The following DNAH14 variants were observed in gnomAD, a reference collection of about 807,000 sequenced individuals.
DNAH14 encodes the protein axonemal beta dynein heavy chain 14.
DNAH14 carries 478 observed loss-of-function variants against 520.9 expected under a neutral mutation model. That is an observed-to-expected ratio of 0.92 (90% CI 0.85 to 0.99). The LOEUF (loss-of-function observed/expected upper bound fraction) is 0.99. DNAH14 is among the 50% of genes least tolerant of loss of function. The pLI is 0.00. For missense variants in DNAH14, 4,831 were observed against 5,234.5 expected (o/e 0.92, Z 2.38); for synonymous variants, 1,581 against 1,757.2 (o/e 0.90, Z 2.51).
At chr1:225,234,390 A>G (rs959281063) in intron 42 of DNAH14, among the ~76,000 whole-genome samples, 2 of 151,932 alleles carry the variant, frequency 1.3e-5, no homozygotes, top group East Asian at 1.9e-4. Flanking sequence ...TGGTTTCACC[A>G]TGTTAGCCAG....
chr1:225,276,250 G>A (rs1439158598), intron 53 of DNAH14, among the ~76,000 whole-genome samples, 169 bp downstream of exon 53: 1 of 151,962 alleles, frequency 6.6e-6, no homozygotes, highest in Non-Finnish European at 1.5e-5. Context: ...AGAGATCAGG[G>A]GAAAATGCTT....
intron 35 of DNAH14, among the ~76,000 whole-genome samples, chr1:225,162,590 G>A (rs772038131): frequency 2.0e-5 from 3 of 152,122 alleles, no homozygotes; most frequent in Non-Finnish European, 2.9e-5. Flanking sequence ...TTGGTATTTT[G>A]ATAGGACTGC....
intron 21 of DNAH14, among the ~76,000 whole-genome samples, chr1:225,096,645 A>G (rs1449416649): frequency 6.6e-6 from 1 of 152,208 alleles, no homozygotes; most frequent in African/African-American, 2.4e-5. Context: ...ATTATTTGTT[A>G]TGAAATGCAA....
At chr1:225,272,890 C>A (rs529115736) in intron 51 of DNAH14, 65 bp from the exon 52 acceptor site, 25 of 1,409,094 alleles carry the variant, frequency 1.8e-5, no homozygotes, top group Middle Eastern at 4.1e-4. Flanking sequence ...AAAAATTGAG[C>A]CTTCGCTTCA....
At chr1:225,317,711 T>G (rs1319076100) in intron 60 of DNAH14, among the ~76,000 whole-genome samples, 1 of 152,162 alleles carries the variant, frequency 6.6e-6, no homozygotes, top group African/African-American at 2.4e-5. Context: ...AAGGTGTCAA[T>G]GAAAATCTAA....
intron 55 of DNAH14, among the ~76,000 whole-genome samples, chr1:225,298,732 A>G (rs2094071077): frequency 6.6e-6 from 1 of 152,176 alleles, no homozygotes; most frequent in Admixed American, 6.5e-5. Context: ...GGTGGGAAGT[A>G]CACACCTTGT....
intron 17 of DNAH14, among the ~76,000 whole-genome samples, chr1:225,074,570 T>C (rs899538211): frequency 7.9e-5 from 12 of 152,248 alleles, no homozygotes; most frequent in African/African-American, 2.9e-4. Context: ...GGGAGCTCTC[T>C]CCCAGGGAGT....
rs1352475604 is a variant in DNAH14, at chr1:225,324,400, T to A, written c.9627+47T>A. 4 of 1,532,984 alleles carry A rather than the reference T, an allele frequency of 2.6e-6. No individual in the cohort carries two copies. The Admixed American group carries it at 6.3e-5, about 24-fold the overall frequency. The allele number at this position is 1,532,984 out of a possible 1,614,324, so 95.0% of individuals were successfully genotyped here. On this transcript the variant is annotated intron_variant, in intron 63 of 85. Coordinates refer to ENST00000682510, the MANE Select transcript of DNAH14 (RefSeq NM_001367479.1). ...TCTGTCATGATTTGGAAGTGGCACA[T>A]CAATGTCCCAGAAATAATTTTTATT...
rs539995689 is a variant in DNAH14 at position 224,943,203 on chromosome 1, G to C, written c.-33-9467G>C. The stretch of plus-strand genomic sequence containing the variant: ...AGAATGTGTTATTGGCCTATTCAGA[G>C]ATTCAACTTCTTCCTGGTTTAGTCT... On this transcript the variant is annotated intron_variant, in intron 1 of 85. Transcript: ENST00000682510. 2.0e-5 allele frequency among the ~76,000 whole-genome samples: 3 copies of C among 152,324 alleles called. No homozygotes were observed. The East Asian group carries it at 5.8e-4, about 29-fold the overall frequency.
At chr1:225,089,429 A>G (rs1185588244) in intron 21 of DNAH14, among the ~76,000 whole-genome samples, 1 of 142,072 alleles carries the variant, frequency 7.0e-6, no homozygotes, top group African/African-American at 2.6e-5. Flanking sequence ...GGGCAACAAG[A>G]GCAAAACTCC....
rs759642532 is a variant in DNAH14, at chr1:224,967,484, T to A, written c.552T>A (p.Pro184=). Residue 184 remains proline, a synonymous_variant, in exon 6 of 86, where the codon CCT becomes CCA. Transcript: ENST00000682510. ...TTTATTGCCTTCCTCGGAAAAGTCC[T>A]AAATCCCTTTACAATCCATATGATC... ...EFVYCLPRKS[P]KSLYNPYDLQ... The A allele has an allele frequency of 6.3e-7, 1 of 1,597,698 alleles. No homozygotes were observed. The highest frequency in any genetic ancestry group is 1.1e-5 in the South Asian group (1 of 87,690).
chr1:225,290,693 ATT>A (rs2093865319), intron 55 of DNAH14, among the ~76,000 whole-genome samples: 1 of 107,214 alleles, frequency 9.3e-6, no homozygotes. Flanking sequence ...ATATATATAT[ATT>A]TCCTCCAAGT....
At chr1:225,346,425 A>T in intron 70 of DNAH14, 31 bp from the exon 71 acceptor site, 1 of 1,530,902 alleles carries the variant, frequency 6.5e-7, no homozygotes, top group East Asian at 2.5e-5. Context: ...ATTTAATCTC[A>T]CTGGATTAAT....
chr1:225,330,911 C>G (rs538559630), intron 64 of DNAH14, among the ~76,000 whole-genome samples: 46 of 151,980 alleles, frequency 3.0e-4, no homozygotes, highest in South Asian at 6.2e-4. Flanking sequence ...ATCTCATGTG[C>G]CCCCTAAATA....
intron 23 of DNAH14, among the ~76,000 whole-genome samples, chr1:225,107,347 C>A (rs2076146473): frequency 6.6e-6 from 1 of 152,148 alleles, no homozygotes; most frequent in Admixed American, 6.5e-5. Flanking sequence ...GGCAGTCTGT[C>A]CATTCTCAGA....
intron 34 of DNAH14, among the ~76,000 whole-genome samples, chr1:225,159,107 T>C (rs2081303697): frequency 1.3e-5 from 2 of 152,206 alleles, no homozygotes; most frequent in Admixed American, 1.3e-4. Context: ...TTGGTGTTGC[T>C]CTTATTGTTC....
intron 23 of DNAH14, among the ~76,000 whole-genome samples, chr1:225,107,036 G>T (rs1422757910): frequency 6.6e-6 from 1 of 152,138 alleles, no homozygotes; most frequent in African/African-American, 2.4e-5. Context: ...TGATGGTGGT[G>T]ACGTACAGAT....
chr1:225,071,329 T>C (rs1410965668), intron 17 of DNAH14, among the ~76,000 whole-genome samples: 1 of 152,216 alleles, frequency 6.6e-6, no homozygotes, highest in Non-Finnish European at 1.5e-5. Context: ...TGGTCTTTCA[T>C]TTTTATATTA....
chr1:225,128,561 A>G (rs2148931582), intron 27 of DNAH14, among the ~76,000 whole-genome samples: 1 of 151,956 alleles, frequency 6.6e-6, no homozygotes, highest in African/African-American at 2.4e-5. Context: ...ACCAAAGACA[A>G]AAACCACATG....
Sources: allele counts gnomAD v4.1 joint callset (sites outside exome capture counted in the v4.1 genomes callset), GRCh38; gene constraint gnomAD v4.1.1; transcripts MANE v1.5; gene names NCBI Gene and HGNC (gene_info 2026-07-23, HGNC 2026-07-21).